CCDC93: variants seen among roughly 807,000 people sequenced by gnomAD.
The protein encoded by CCDC93 is coiled-coil domain-containing protein 93.
CCDC93 carries 61 observed loss-of-function variants against 108.2 expected under a neutral mutation model. That is an observed-to-expected ratio of 0.56 (90% CI 0.46 to 0.70). The LOEUF is 0.70. Ranked by LOEUF, CCDC93 falls within the 30% of genes least tolerant of loss-of-function variation. The probability of loss-of-function intolerance (pLI) is 0.00; values close to 1 mark genes in which losing one functional copy is unlikely to be tolerated. For synonymous variants in CCDC93, 276 were observed against 260.4 expected (o/e 1.06, Z -0.58); for missense variants, 685 against 764.2 (o/e 0.90, Z 1.22).
At chr2:118,000,674 C>T (rs117465611) in intron 4 of CCDC93, 147 bp downstream of exon 4, 7 of 584,292 alleles carry the variant, frequency 1.2e-5, no homozygotes, top group African/African-American at 7.5e-5. Flanking sequence ...ATGACGACAA[C>T]GAACACCACC....
rs768040099 is a variant in CCDC93, at chr2:117,919,133, T to A, written c.*1210A>T. ...GACCAGGGCAGCAGGAGCTCCATGTTTGATCTGCACTGGTCATTTCCAAGG... is the reference window on the plus strand; with the variant it reads ...GACCAGGGCAGCAGGAGCTCCATGTATGATCTGCACTGGTCATTTCCAAGG... On this transcript the variant is annotated 3_prime_UTR_variant, in exon 24 of 24. Coordinates refer to ENST00000376300, the MANE Select transcript of CCDC93 (RefSeq NM_019044.5). 30 of 152,272 alleles carry A rather than the reference T, an allele frequency of 2.0e-4. 1 individual carries two copies. The highest frequency in any genetic ancestry group is 3.3e-4 in the Admixed American group (5 of 15,304). 9.4% of individuals were successfully genotyped at this position (152,272 alleles called of 1,614,324 possible).
At chr2:117,982,701 T>A (rs542699322) in intron 7 of CCDC93, among the ~76,000 whole-genome samples, 5 of 148,968 alleles carry the variant, frequency 3.4e-5, no homozygotes, top group African/African-American at 1.2e-4. Context: ...AGGTAGAAAA[T>A]AGAAACACTG....
At chr2:117,995,556 A>C in intron 5 of CCDC93, 54 bp from the exon 6 acceptor site, 1 of 1,269,616 alleles carries the variant, frequency 7.9e-7, no homozygotes, top group Middle Eastern at 1.8e-4. Context: ...TTAAAACTCA[A>C]GTGGACCACT....
intron 22 of CCDC93, among the ~76,000 whole-genome samples, chr2:117,932,048 GA>G (rs1195473419): frequency 6.6e-6 from 1 of 152,142 alleles, no homozygotes; most frequent in African/African-American, 2.4e-5. Context: ...GACACGGGGG[GA>G]GGTGACGGAG....
At chr2:118,007,505 C>A (rs1676909278) in intron 2 of CCDC93, among the ~76,000 whole-genome samples, 1 of 152,118 alleles carries the variant, frequency 6.6e-6, no homozygotes, top group Non-Finnish European at 1.5e-5. Context: ...CCCCTCTCTA[C>A]TAAAGATGCA....
chr2:117,929,262 A>G (rs1678240209), intron 23 of CCDC93, among the ~76,000 whole-genome samples: 1 of 152,168 alleles, frequency 6.6e-6, no homozygotes, highest in Admixed American at 6.5e-5. Context: ...AAGTATAATA[A>G]AAAAAAGAAA....
intron 12 of CCDC93, 74 bp downstream of exon 12, chr2:117,958,290 AC>A (rs1389460966): frequency 6.4e-6 from 6 of 942,214 alleles, no homozygotes; most frequent in Non-Finnish European, 1.7e-6. Context: ...CAGTATGCCA[AC>A]CCCCGTTCTG....
intron 10 of CCDC93, 61 bp from the exon 11 acceptor site, chr2:117,974,055 A>C (rs1679854097): frequency 2.0e-6 from 2 of 1,014,236 alleles, no homozygotes; most frequent in Non-Finnish European, 1.5e-6. Context: ...GCACTGGAAA[A>C]TCTGAACACT....
intron 7 of CCDC93, among the ~76,000 whole-genome samples, chr2:117,982,973 T>C (rs1027726930): frequency 1.3e-5 from 2 of 152,214 alleles, no homozygotes; most frequent in African/African-American, 4.8e-5. Flanking sequence ...TATGGCACCC[T>C]AATATGCTGA....
intron 11 of CCDC93, among the ~76,000 whole-genome samples, chr2:117,961,819 G>A (rs1447328084): frequency 6.6e-6 from 1 of 152,214 alleles, no homozygotes; most frequent in Non-Finnish European, 1.5e-5. Flanking sequence ...AAACCGTAGA[G>A]CATCTTAACA....
chr2:117,983,630 T>TTATATATATA (rs66879401), intron 7 of CCDC93, among the ~76,000 whole-genome samples: 2 of 98,606 alleles, frequency 2.0e-5, no homozygotes, highest in African/African-American at 6.5e-5. Context: ...CTGCTCAAAA[T>TTATATATATA]TATATATATA....
chr2:117,935,562 G>T lies in CCDC93; in HGVS notation c.1661C>A (p.Ala554Asp). The T allele has an allele frequency of 6.2e-7, 1 of 1,613,840 alleles. No individual in the cohort carries two copies. Among genetic ancestry groups the T allele is most frequent in the South Asian group, 1.1e-5 (1 of 91,054 alleles). Reference protein sequence around the residue: ...ENFSQAMASPAARDQFLRQME... With the variant: ...ENFSQAMASPDARDQFLRQME... ...CTGACGTAAAAACTGGTCCCGGGCA[G>T]CAGGGGAGGCCATGGCCCTGAAAGA... The change falls in exon 22 of 24, where the codon GCT becomes GAT. Residue 554 changes from alanine (A) to aspartate (D), a missense_variant. Physicochemically the swap from Ala to Asp is moderately radical, Grantham distance 126. Transcript: ENST00000376300.
At chr2:117,963,760 A>T (rs141532972) in intron 11 of CCDC93, among the ~76,000 whole-genome samples, 2 of 152,348 alleles carry the variant, frequency 1.3e-5, no homozygotes, top group Non-Finnish European at 2.9e-5. Flanking sequence ...ATCCTCACCA[A>T]ATCATGAATT....
chr2:117,960,683 T>C (rs1679364221), intron 11 of CCDC93, among the ~76,000 whole-genome samples: 1 of 152,228 alleles, frequency 6.6e-6, no homozygotes, highest in Admixed American at 6.5e-5. Context: ...ATTATTTCTG[T>C]TGATAGCTAT....
chr2:117,964,882 C>T (rs77920886), intron 11 of CCDC93, among the ~76,000 whole-genome samples: 11,445 of 152,240 alleles, frequency 0.075, 523 homozygotes, highest in South Asian at 0.15. Flanking sequence ...GGATTACAGG[C>T]GTGAGCCTCT....
chr2:117,920,545 A>G, intron 23 of CCDC93, 149 bp from the exon 24 acceptor site: 2 of 501,842 alleles, frequency 4.0e-6, no homozygotes, highest in Admixed American at 6.9e-5. Flanking sequence ...AGGATGGTGA[A>G]GCTTCCTGAT....
chr2:117,949,201 T>C lies in CCDC93; in HGVS notation c.1142+121A>G. Reference sequence around the variant, plus strand: ...GGATGAACAGTAAAATGATCTGACCTGCAGGGGCCAGACCAATAGCCTTTG... The same window carrying C: ...GGATGAACAGTAAAATGATCTGACCCGCAGGGGCCAGACCAATAGCCTTTG... On this transcript the variant is annotated intron_variant, in intron 14 of 23. Coordinates refer to ENST00000376300, the MANE Select transcript of CCDC93 (RefSeq NM_019044.5). 8.6e-6 allele frequency: 6 copies of C among 696,432 alleles called. No individual in the cohort carries two copies. The South Asian group carries it at 1.0e-4, about 12-fold the overall frequency. 43.1% of individuals were successfully genotyped at this position (696,432 alleles called of 1,614,324 possible).
In CCDC93 at chr2:117,918,297, C is replaced by T. The variant is rs1048200588; in HGVS notation, c.*2046G>A. On this transcript the variant is annotated 3_prime_UTR_variant, in exon 24 of 24. Coordinates refer to ENST00000376300, the MANE Select transcript of CCDC93 (RefSeq NM_019044.5). ...TTCAGGCAACAAAAACTGATTTATC[C>T]GTAGTAGGCCTTGTCGATAAAAAAA... The T allele has an allele frequency of 1.3e-5, 2 of 151,906 alleles. No homozygotes were observed. The highest frequency in any genetic ancestry group is 2.1e-4 in the South Asian group (1 of 4,812). 9.4% of individuals were successfully genotyped at this position (151,906 alleles called of 1,614,324 possible).
chr2:118,013,489 G>A (rs979552607), intron 1 of CCDC93, among the ~76,000 whole-genome samples: 3 of 152,122 alleles, frequency 2.0e-5, no homozygotes, highest in Non-Finnish European at 2.9e-5. Context: ...GCGGGCCGCC[G>A]GGACTCTGCG....
Sources: gnomAD v4.1 joint callset for allele counts (sites outside exome capture counted in the v4.1 genomes callset) on GRCh38, gnomAD v4.1.1 for gene constraint, MANE v1.5 for transcripts, NCBI Gene and HGNC (gene_info 2026-07-23, HGNC 2026-07-21) for gene names.